The following MCRS1 variants were observed in gnomAD, a reference collection of about 807,000 sequenced individuals.
MCRS1 encodes the protein 58 kDa microspherule protein.
In MCRS1, 22 loss-of-function variants were observed where a neutral mutation model predicts 62.9. The observed-to-expected ratio is 0.35, with a 90% CI of 0.25 to 0.50. The LOEUF (loss-of-function observed/expected upper bound fraction) is 0.50, where lower values mean the gene tolerates loss of function less well. Among genes scored for constraint, MCRS1 ranks in the 20% least tolerant of loss-of-function variants. MCRS1 has a pLI of 0.98. For missense variants in MCRS1, 456 were observed against 601.1 expected (o/e 0.76, Z 2.52); for synonymous variants, 244 against 233.5 (o/e 1.04, Z -0.41).
intron 8 of MCRS1, among the ~76,000 whole-genome samples, chr12:49,562,573 G>T (rs1047275296): frequency 6.6e-6 from 1 of 152,166 alleles, no homozygotes; most frequent in African/African-American, 2.4e-5. Flanking sequence ...GGCAAAGAGC[G>T]GAAAAGCTCA....
chr12:49,566,295 C>T lies in MCRS1; in HGVS notation c.11-80G>A, dbSNP rs374660438. 5.6e-5 allele frequency: 84 copies of T among 1,493,214 alleles called. No individual in the cohort carries two copies. In the African/African-American group the frequency reaches 1.1e-3, roughly 19 times the overall value. 92.5% of individuals were successfully genotyped at this position (1,493,214 alleles called of 1,614,324 possible). A position where few individuals can be genotyped will look rare whatever the true frequency, so the allele number is the denominator to read the frequency against. On this transcript the variant is annotated intron_variant, in intron 2 of 14. Transcript: ENST00000343810. The stretch of plus-strand genomic sequence containing the variant: ...AATGGGACCCCTCCCCAGCCCCCTT[C>T]CCCTGCCAGCCCTCTTGGCCCCTCC...
Position 49,558,924 on chromosome 12 carries a change from C to A in MCRS1, c.1221G>T (p.Glu407Asp). 6.2e-7 allele frequency: 1 copy of A among 1,612,850 alleles called. No homozygotes were observed. Among genetic ancestry groups the A allele is most frequent in the Admixed American group, 1.7e-5 (1 of 60,016 alleles). The part of the protein sequence containing the change: ...KNNGDFFIAN[E>D]GRRPIYIDGR... Reference sequence around the variant, plus strand: ...CATCGATGTAGATGGGCCGTCGACCCTCATTGGCAATGAAGAAATCACCGT... The same window carrying A: ...CATCGATGTAGATGGGCCGTCGACCATCATTGGCAATGAAGAAATCACCGT... The change falls in exon 14 of 15, where the codon GAG (glutamate) becomes GAT (aspartate). Residue 407 changes from glutamate (E) to aspartate (D), a missense_variant. By Grantham distance (45) the Glu-to-Asp change is conservative (BLOSUM62 2). Transcript: ENST00000343810.
Position 49,559,172 on chromosome 12 carries a change from G to T in MCRS1, c.1174+42C>A. 6.3e-7 allele frequency: 1 copy of T among 1,596,014 alleles called. No individual in the cohort carries two copies. Among genetic ancestry groups the T allele is most frequent in the South Asian group, 1.1e-5 (1 of 90,046 alleles). On this transcript the variant is annotated intron_variant, in intron 13 of 14. Transcript: ENST00000343810. This position sits in a 1 kb window ranked among gnomAD's most constrained non-coding sequence, Gnocchi z 5.2. ...AGGACAGCGAGAGGCTGGGAGGGAC[G>T]ACCTCACACTGCTTCCTGCTGGGGC...
intron 8 of MCRS1, 59 bp from the exon 9 acceptor site, chr12:49,560,429 C>G: frequency 1.3e-6 from 2 of 1,525,496 alleles, no homozygotes; most frequent in Non-Finnish European, 9.1e-7. Flanking sequence ...CGATGCTGAG[C>G]GGACCACTAA....
In MCRS1 at chr12:49,566,768, C is replaced by T. The variant is rs13066; in HGVS notation, c.-37G>A. ...CCCAAAGCCACTGGTTCCAAACCAC[C>T]GGGCTAGGAGGAACGGTCCCACAGG... is the stretch of plus-strand genomic sequence containing the variant. On this transcript the variant is annotated 5_prime_UTR_variant, in exon 2 of 15. Transcript: ENST00000343810. 6.1e-5 allele frequency: 98 copies of T among 1,611,820 alleles called. No individual in the cohort carries two copies. Among genetic ancestry groups the T allele is most frequent in the South Asian group, 2.0e-4 (18 of 90,636 alleles).
Position 49,563,169 on chromosome 12 carries a change from C to T in MCRS1, c.667-30G>A, listed in dbSNP as rs771547622. On this transcript the variant is annotated intron_variant, in intron 7 of 14. Coordinates refer to ENST00000343810, the MANE Select transcript of MCRS1 (RefSeq NM_006337.5). ...AGGGCAAGAAACATTCTCTAGGCAT[C>T]TGGGCTTTTTCACACATGCCTCTCT... 4 of 1,545,902 alleles carry T rather than the reference C, an allele frequency of 2.6e-6. No individual in the cohort carries two copies. In the South Asian group the frequency reaches 3.6e-5, roughly 14 times the overall value.
Position 49,558,313 on chromosome 12 carries a change from G to T in MCRS1, c.*330C>A, listed in dbSNP as rs1016717583. On this transcript the variant is annotated 3_prime_UTR_variant, in exon 15 of 15. Transcript: ENST00000343810. Reference sequence around the variant, plus strand: ...ATAAAATAAACTACTTTGGAACCTGGTGCTTTTTATTTACAAAAGAAAAAC... The same window carrying T: ...ATAAAATAAACTACTTTGGAACCTGTTGCTTTTTATTTACAAAAGAAAAAC... 4.5e-5 allele frequency: 18 copies of T among 403,976 alleles called. No individual in the cohort carries two copies. Among genetic ancestry groups the T allele is most frequent in the African/African-American group, 3.3e-4 (16 of 48,638 alleles). 25.0% of individuals were successfully genotyped at this position (403,976 alleles called of 1,614,324 possible). A position where few individuals can be genotyped will look rare whatever the true frequency, so the allele number is the denominator to read the frequency against.
intron 1 of MCRS1, 91 bp from the exon 2 acceptor site, chr12:49,566,932 T>TA: frequency 1.5e-6 from 1 of 659,876 alleles, no homozygotes; most frequent in Non-Finnish European, 2.6e-6. Context: ...CAGGGTCCCA[T>TA]AAGCTAGGGA....
Position 49,558,401 on chromosome 12 carries a change from T to A in MCRS1, c.*242A>T. 3.8e-6 allele frequency: 2 copies of A among 526,880 alleles called. No individual in the cohort carries two copies. Among genetic ancestry groups the A allele is most frequent in the Non-Finnish European group, 6.7e-6 (2 of 300,146 alleles). The allele number at this position is 526,880 out of a possible 1,614,324, so 32.6% of individuals were successfully genotyped here. A position where few individuals can be genotyped will look rare whatever the true frequency, so the allele number is the denominator to read the frequency against. On this transcript the variant is annotated 3_prime_UTR_variant, in exon 15 of 15. Coordinates refer to ENST00000343810, the MANE Select transcript of MCRS1 (RefSeq NM_006337.5). The stretch of plus-strand genomic sequence containing the variant: ...CAGGAGTGAAGGTGGCAATGGGGGG[T>A]AGGGTTGTTTTTAGAGAGAGGAAGA...
In MCRS1 at chr12:49,559,849, G is replaced by C. The variant is rs373834742; in HGVS notation, c.911-28C>G. 3 of 1,613,994 alleles carry C rather than the reference G, an allele frequency of 1.9e-6. No homozygotes were observed. In the African/African-American group the frequency reaches 4.0e-5, roughly 22 times the overall value. ...GGGGTGAGGTGGGGTGGTAAGGAGGGATGCTCTGAGGCCACCAGCACCTTG... is the reference window on the plus strand; with the variant it reads ...GGGGTGAGGTGGGGTGGTAAGGAGGCATGCTCTGAGGCCACCAGCACCTTG... On this transcript the variant is annotated intron_variant, in intron 10 of 14. Transcript: ENST00000343810. The surrounding 1 kb of genome is among the most constrained non-coding windows in gnomAD (Gnocchi z 5.2).
At position 49,566,159 on chromosome 12, in the gene MCRS1, C is replaced by T; in HGVS notation, c.67G>A (p.Glu23Lys). ...TGCCCTGCCAGTGACTCCTCATCCT[C>T]TGAGCGGCTGGCAGTGCCTGATGCC... ...LMASGTASRS[E>K]DEESLAGQKR... Residue 23 changes from glutamate (E) to lysine (K), a missense_variant, in exon 3 of 15, where the codon GAG becomes AAG. Physicochemically the swap from Glu to Lys is moderately conservative, Grantham distance 56. Transcript: ENST00000343810. 6.2e-7 allele frequency: 1 copy of T among 1,614,226 alleles called. No individual in the cohort carries two copies. The highest frequency in any genetic ancestry group is 1.3e-5 in the African/African-American group (1 of 75,072).
chr12:49,562,358 AC>A (rs1267603204), intron 8 of MCRS1, among the ~76,000 whole-genome samples: 4 of 152,280 alleles, frequency 2.6e-5, no homozygotes, highest in Non-Finnish European at 4.4e-5. Context: ...CTGTTTTCTT[AC>A]CCCATCACTG....
Position 49,559,522 on chromosome 12 carries a change from C to T in MCRS1, c.1017G>A (p.Pro339=). 14 of 1,610,940 alleles carry T rather than the reference C, an allele frequency of 8.7e-6. No homozygotes were observed. Among genetic ancestry groups the T allele is most frequent in the South Asian group, 3.3e-5 (3 of 91,082 alleles). The change falls in exon 12 of 15, where the codon CCG becomes CCA. Residue 339 remains proline (P), a synonymous_variant. Coordinates refer to ENST00000343810, the MANE Select transcript of MCRS1 (RefSeq NM_006337.5). The surrounding 1 kb of genome is among the most constrained non-coding windows in gnomAD (Gnocchi z 5.2). ...LVDSITGMSS[P]DFDNQTLAVL... is the part of the protein sequence containing the mutation. ...CTGCCAGTGTCTGGTTGTCGAAGTC[C>T]GGAGAGCTCATGCCTGGGAGAAGAG...
chr12:49,560,208 A>AGGGCTG (rs1475870277), intron 9 of MCRS1, 87 bp downstream of exon 9: 2 of 1,447,646 alleles, frequency 1.4e-6, no homozygotes, highest in Admixed American at 1.7e-5. Flanking sequence ...CGGGAGCCCA[A>AGGGCTG]GGGCTGGGGC....
chr12:49,565,625 G>A lies in MCRS1; in HGVS notation c.192C>T (p.Ser64=). Residue 64 remains serine (S), a synonymous_variant, in exon 4 of 15, where the codon AGC becomes AGT. Transcript: ENST00000343810. ...RKKFDDELVE[S]SLAKSSTRAK... is the part of the protein sequence containing the mutation. ...CCCGGGTAGAAGATTTTGCCAGGCT[G>A]CTCTCCACCAGCTCATCATCGAACT... The A allele has an allele frequency of 6.2e-7, 1 of 1,614,046 alleles. No homozygotes were observed. Among genetic ancestry groups the A allele is most frequent in the Non-Finnish European group, 8.5e-7 (1 of 1,179,972 alleles).
intron 4 of MCRS1, 43 bp downstream of exon 4, chr12:49,565,486 A>G (rs1334355170): frequency 4.5e-6 from 7 of 1,546,804 alleles, no homozygotes; most frequent in Non-Finnish European, 6.1e-6. Context: ...GAAACATGAA[A>G]TCTGGCACTA....
chr12:49,565,262 G>C lies in MCRS1; in HGVS notation c.288+267C>G, dbSNP rs900548971. 5 of 985,296 alleles carry C rather than the reference G, an allele frequency of 5.1e-6. No individual in the cohort carries two copies. In the African/African-American group the frequency reaches 8.7e-5, roughly 17 times the overall value. 61.0% of individuals were successfully genotyped at this position (985,296 alleles called of 1,614,324 possible). On this transcript the variant is annotated intron_variant, in intron 4 of 14. Coordinates refer to ENST00000343810, the MANE Select transcript of MCRS1 (RefSeq NM_006337.5). Reference sequence around the variant, plus strand: ...CACTCTGCAATGCTGGGAACAGGCTGTCTGCTCCCAGAATAGATGCATGCT... The same window carrying C: ...CACTCTGCAATGCTGGGAACAGGCTCTCTGCTCCCAGAATAGATGCATGCT...
At chr12:49,566,498 C>A (rs1939072597) in intron 2 of MCRS1, 3 of 1,537,396 alleles carry the variant, frequency 2.0e-6, no homozygotes, top group Admixed American at 3.9e-5. Flanking sequence ...GGGCTCTGGG[C>A]ATAACTGCTC....
intron 2 of MCRS1, 56 bp downstream of exon 2, chr12:49,566,666 A>C: frequency 6.2e-7 from 1 of 1,612,182 alleles, no homozygotes; most frequent in South Asian, 1.1e-5. Context: ...CACAGAGTGG[A>C]ATCAGCAGAT....
Sources: allele counts gnomAD v4.1 joint callset (sites outside exome capture counted in the v4.1 genomes callset), GRCh38; gene constraint gnomAD v4.1.1; non-coding constraint Gnocchi (gnomAD v3.1); transcripts MANE v1.5; gene names NCBI Gene and HGNC (gene_info 2026-07-23, HGNC 2026-07-21).